IGSF21: variants seen among roughly 807,000 people sequenced by gnomAD.
The protein encoded by IGSF21 is immunoglobulin superfamily member 21.
IGSF21 carries 28 observed loss-of-function variants against 46.8 expected under a neutral mutation model. That is an observed-to-expected ratio of 0.60 (90% CI 0.44 to 0.82). The LOEUF (loss-of-function observed/expected upper bound fraction) is 0.82, where lower values mean the gene tolerates loss of function less well. Ranked by LOEUF, IGSF21 falls within the 40% of genes least tolerant of loss-of-function variation. The probability of loss-of-function intolerance (pLI) is 0.00; values close to 1 mark genes in which losing one functional copy is unlikely to be tolerated. For missense variants in IGSF21, 624 were observed against 665.5 expected, an observed-to-expected ratio of 0.94 and a Z score of 0.69; for synonymous variants, 284 against 273.6, an observed-to-expected ratio of 1.04 and a Z score of -0.38.
chr1:18,287,908 T>C (rs1183466170), intron 2 of IGSF21, among the ~76,000 whole-genome samples: 1 of 152,182 alleles, frequency 6.6e-6, no homozygotes, highest in African/African-American at 2.4e-5. Flanking sequence ...TAGCAAGAGA[T>C]GCTTTGCTCT....
At chr1:18,221,542 G>A (rs1300636549) in intron 1 of IGSF21, among the ~76,000 whole-genome samples, 1 of 152,156 alleles carries the variant, frequency 6.6e-6, no homozygotes, top group Non-Finnish European at 1.5e-5. Context: ...GGAGCTATTT[G>A]TCATCACCTC....
intron 3 of IGSF21, among the ~76,000 whole-genome samples, chr1:18,319,577 CTGT>C (rs1409142828): frequency 6.6e-6 from 1 of 151,594 alleles, no homozygotes; most frequent in African/African-American, 2.4e-5. Flanking sequence ...AATTTATGTA[CTGT>C]TGTTCCTCTC....
intron 1 of IGSF21, among the ~76,000 whole-genome samples, chr1:18,164,259 C>T (rs1252143473): frequency 6.6e-6 from 1 of 152,048 alleles, no homozygotes; most frequent in Non-Finnish European, 1.5e-5. Flanking sequence ...GACTCCAGGG[C>T]ACAAGTTTTT....
At chr1:18,139,453 T>TC (rs2086395573) in intron 1 of IGSF21, among the ~76,000 whole-genome samples, 1 of 152,150 alleles carries the variant, frequency 6.6e-6, no homozygotes, top group Non-Finnish European at 1.5e-5. Flanking sequence ...CCCACCCTCT[T>TC]CCCAGTGTCT....
At chr1:18,182,203 G>T (rs969827497) in intron 1 of IGSF21, among the ~76,000 whole-genome samples, 15 of 138,148 alleles carry the variant, frequency 1.1e-4, no homozygotes, top group African/African-American at 4.1e-4. Context: ...TTTAGACAAG[G>T]TCTCACTCTG....
intron 1 of IGSF21, among the ~76,000 whole-genome samples, chr1:18,150,009 T>C (rs1570270194): frequency 6.6e-6 from 1 of 152,262 alleles, no homozygotes; most frequent in East Asian, 1.9e-4. Flanking sequence ...ATCCCAGCAC[T>C]TTGGGAGGCC....
rs532250929 is a variant in IGSF21, at chr1:18,275,717, C to G, written c.184-16149C>G. ...ATTCCTGGACTAAAGTCTGTGTCAT[C>G]TGCCCTTCCATTGCACAGACACCTG... is the stretch of plus-strand genomic sequence containing the variant. On this transcript the variant is annotated intron_variant, in intron 2 of 9. Coordinates refer to ENST00000251296, the MANE Select transcript of IGSF21 (RefSeq NM_032880.5). Among the ~76,000 whole-genome samples the G allele has an allele frequency of 1.6e-4, 24 of 152,302 alleles. 1 individual carries two copies. The South Asian group carries it at 5.0e-3, about 32-fold the overall frequency.
At chr1:18,164,138 G>T (rs1179017798) in intron 1 of IGSF21, among the ~76,000 whole-genome samples, 1 of 152,150 alleles carries the variant, frequency 6.6e-6, no homozygotes, top group Non-Finnish European at 1.5e-5. Flanking sequence ...CATGTATTAT[G>T]ACTGCTCCCT....
In IGSF21 at chr1:18,359,379, AAAGAAAGGAAGGAAGG is replaced by A. The variant is rs1175809101; in HGVS notation, c.425-2732_425-2717del. On this transcript the variant is annotated intron_variant, in intron 4 of 9. Transcript: ENST00000251296. ...GAAAGAAAGAAAGAAAGAAAGAAAG[AAAGAAAGGAAGGAAGG>A]AAGGAAGGAAGGAAGGAAGGAAGGA... Among the ~76,000 whole-genome samples, 111 of 82,330 alleles carry A rather than the reference AAAGAAAGGAAGGAAGG, an allele frequency of 1.3e-3. 1 individual carries two copies. Among genetic ancestry groups the A allele is most frequent in the African/African-American group, 4.3e-3 (82 of 19,106 alleles). 54.0% of individuals were successfully genotyped at this position (82,330 alleles called of 152,430 possible). A position where few individuals can be genotyped will look rare whatever the true frequency, so the allele number is the denominator to read the frequency against.
chr1:18,165,261 C>T (rs1214820877), intron 1 of IGSF21, among the ~76,000 whole-genome samples: 1 of 152,160 alleles, frequency 6.6e-6, no homozygotes, highest in Non-Finnish European at 1.5e-5. Context: ...GTTCTGGATG[C>T]TGGAAGTCCA....
chr1:18,321,690 G>T (rs931826936), intron 3 of IGSF21, among the ~76,000 whole-genome samples: 3 of 152,122 alleles, frequency 2.0e-5, no homozygotes, highest in Non-Finnish European at 4.4e-5. Flanking sequence ...TTTTGTGGGG[G>T]TGCTCATCCC....
At chr1:18,323,018 G>A (rs1215680994) in intron 3 of IGSF21, among the ~76,000 whole-genome samples, 2 of 152,142 alleles carry the variant, frequency 1.3e-5, no homozygotes, top group Non-Finnish European at 2.9e-5. Context: ...AAGAGCGGTC[G>A]GGACCAGCGA....
At chr1:18,216,811 C>T (rs924731122) in intron 1 of IGSF21, among the ~76,000 whole-genome samples, 1 of 152,104 alleles carries the variant, frequency 6.6e-6, no homozygotes, top group African/African-American at 2.4e-5. Flanking sequence ...TTTCACAGAA[C>T]TCTCTGTACC....
intron 4 of IGSF21, among the ~76,000 whole-genome samples, chr1:18,345,598 G>A (rs1348810061): frequency 6.6e-6 from 1 of 152,114 alleles, no homozygotes; most frequent in Non-Finnish European, 1.5e-5. Flanking sequence ...TGGCCAGGCT[G>A]GTCTTGAACT....
At chr1:18,168,003 T>C (rs35515277) in intron 1 of IGSF21, among the ~76,000 whole-genome samples, 10,561 of 152,120 alleles carry the variant, frequency 0.069, 415 homozygotes, top group Middle Eastern at 0.17. Context: ...CTCCTTTTAA[T>C]GACCACATTC....
chr1:18,301,581 T>C (rs947789983), intron 3 of IGSF21, among the ~76,000 whole-genome samples: 3 of 152,188 alleles, frequency 2.0e-5, no homozygotes, highest in Non-Finnish European at 2.9e-5. Flanking sequence ...CCTCAAGTGA[T>C]GCACCCGCCT....
chr1:18,282,390 G>A (rs2085169643), intron 2 of IGSF21, among the ~76,000 whole-genome samples: 1 of 152,090 alleles, frequency 6.6e-6, no homozygotes, highest in Non-Finnish European at 1.5e-5. Context: ...TCTATCTGAG[G>A]CCCTTTCTAT....
intron 2 of IGSF21, among the ~76,000 whole-genome samples, chr1:18,281,810 A>G (rs1395652084): frequency 1.3e-5 from 2 of 152,170 alleles, no homozygotes; most frequent in African/African-American, 4.8e-5. Flanking sequence ...GGAGCTGGAC[A>G]TGATCACCTG....
intron 2 of IGSF21, among the ~76,000 whole-genome samples, chr1:18,242,236 G>A (rs760471606): frequency 7.2e-5 from 11 of 152,116 alleles, no homozygotes; most frequent in Admixed American, 2.6e-4. Context: ...CTCTCAGCAC[G>A]GCAGAGCAGA....
Sources: gnomAD v4.1 joint callset for allele counts (sites outside exome capture counted in the v4.1 genomes callset) on GRCh38, gnomAD v4.1.1 for gene constraint, MANE v1.5 for transcripts, NCBI Gene and HGNC (gene_info 2026-07-23, HGNC 2026-07-21) for gene names.